Variants in DNAAF9 observed in about 807,000 individuals in gnomAD.
The protein encoded by DNAAF9 is dynein axonemal assembly factor 9.
A neutral mutation model predicts 167.0 loss-of-function variants in DNAAF9; 90 were observed. That is an observed-to-expected ratio of 0.54 (90% confidence interval 0.45 to 0.64). DNAAF9 has a LOEUF of 0.64. DNAAF9 is among the 30% of genes least tolerant of loss of function. DNAAF9 has a pLI of 0.00. For missense variants in DNAAF9, 1,315 were observed against 1,442.2 expected, an observed-to-expected ratio of 0.91 and a Z score of 1.43; for synonymous variants, 491 against 508.8, an observed-to-expected ratio of 0.96 and a Z score of 0.47.
At chr20:3,391,880 TC>T (rs1372924499) in intron 1 of DNAAF9, among the ~76,000 whole-genome samples, 3 of 152,168 alleles carry the variant, frequency 2.0e-5, no homozygotes, top group Non-Finnish European at 4.4e-5. Context: ...CGCCTGGCTG[TC>T]TTTTTTCCTT....
In DNAAF9 at chr20:3,249,390, G is replaced by A. The variant is rs1413880466; in HGVS notation, c.*3182C>T. ...CATACACAACTGCAGGTAAAAACAT[G>A]TAAAATAATATAAAAATAAATTGAA... is the stretch of plus-strand genomic sequence containing the variant. On this transcript the variant is annotated 3_prime_UTR_variant, in exon 37 of 37. Coordinates refer to ENST00000252032, the MANE Select transcript of DNAAF9 (RefSeq NM_001009984.3). 1 of 152,146 alleles carries A rather than the reference G, an allele frequency of 6.6e-6. No individual in the cohort carries two copies. The highest frequency in any genetic ancestry group is 1.5e-5 in the Non-Finnish European group (1 of 68,034). 9.4% of individuals were successfully genotyped at this position (152,146 alleles called of 1,614,324 possible). A position where few individuals can be genotyped will look rare whatever the true frequency, so the allele number is the denominator to read the frequency against.
chr20:3,254,408 C>T (rs1336047077), intron 35 of DNAAF9, among the ~76,000 whole-genome samples: 1 of 152,102 alleles, frequency 6.6e-6, no homozygotes, highest in Admixed American at 6.6e-5. Context: ...GCTGTTTCCC[C>T]CTCTCCTCTT....
At chr20:3,327,379 G>A (rs985448364) in intron 12 of DNAAF9, among the ~76,000 whole-genome samples, 2 of 152,066 alleles carry the variant, frequency 1.3e-5, no homozygotes, top group Non-Finnish European at 2.9e-5. Flanking sequence ...GGGAAAGATG[G>A]GGGAGGGAGG....
At chr20:3,257,092 G>C (rs1034032840) in intron 33 of DNAAF9, among the ~76,000 whole-genome samples, 1 of 152,198 alleles carries the variant, frequency 6.6e-6, no homozygotes, top group African/African-American at 2.4e-5. Context: ...ACATGCTAAG[G>C]AGATGAGGGC....
At position 3,255,425 on chromosome 20, in the gene DNAAF9, TG is replaced by T. The variant is rs909010821; in HGVS notation, c.3262-142del. On this transcript the variant is annotated intron_variant, in intron 34 of 36. Transcript: ENST00000252032. ...GCGCTATGGCCTGGATATAATATTC[TG>T]TCTAGTCTGCTCTTTGAGAAAACCA... 23 of 604,426 alleles carry T rather than the reference TG, an allele frequency of 3.8e-5. 1 individual carries two copies. The African/African-American group carries it at 3.9e-4, about 10-fold the overall frequency. The allele number at this position is 604,426 out of a possible 1,614,324, so 37.4% of individuals were successfully genotyped here.
chr20:3,338,529 T>C (rs1255123198), intron 10 of DNAAF9, among the ~76,000 whole-genome samples: 1 of 152,212 alleles, frequency 6.6e-6, no homozygotes, highest in Non-Finnish European at 1.5e-5. Context: ...TCATGAATTT[T>C]GGAAAATTCT....
chr20:3,354,893 T>C (rs1884563), intron 7 of DNAAF9, among the ~76,000 whole-genome samples: 38,147 of 152,140 alleles, frequency 0.25, 5,392 homozygotes, highest in African/African-American at 0.37. Flanking sequence ...AAAGAGCATG[T>C]TCTACAGCCC....
In DNAAF9 at chr20:3,259,488, T is replaced by C. The variant is rs868501006; in HGVS notation, c.3047A>G (p.Lys1016Arg). The change falls in exon 33 of 37, where the codon AAG becomes AGG. Residue 1016 changes from lysine to arginine, a missense_variant. By Grantham distance (26) the Lys-to-Arg change is conservative. Transcript: ENST00000252032. ...GNIYHILGKV[K>R]FSDSERTMEV... ...TCCCAGCCCCTGGTTACCTGAAAAC[T>C]TCACTTTGCCCAGGATGTGGTAGAT... is the stretch of plus-strand genomic sequence containing the variant. 4 of 1,606,832 alleles carry C rather than the reference T, an allele frequency of 2.5e-6. No homozygotes were observed. The highest frequency in any genetic ancestry group is 3.3e-5 in the Admixed American group (2 of 59,988).
At chr20:3,404,922 G>C (rs1245956698) in intron 1 of DNAAF9, among the ~76,000 whole-genome samples, 1 of 152,182 alleles carries the variant, frequency 6.6e-6, no homozygotes, top group African/African-American at 2.4e-5. Context: ...CAACCTACCT[G>C]TCAAGCATAG....
At chr20:3,374,813 T>C (rs2083553845) in intron 5 of DNAAF9, among the ~76,000 whole-genome samples, 1 of 152,226 alleles carries the variant, frequency 6.6e-6, no homozygotes, top group Admixed American at 6.5e-5. Flanking sequence ...TTCTTCTACC[T>C]GATTTTGGGC....
intron 10 of DNAAF9, among the ~76,000 whole-genome samples, chr20:3,337,442 T>TG (rs1555793647): frequency 6.7e-6 from 1 of 148,858 alleles, no homozygotes; most frequent in African/African-American, 2.5e-5. Flanking sequence ...TTTTTTTTGT[T>TG]TTTTTTTTTT....
In DNAAF9 at chr20:3,322,792, G is replaced by A. The variant is rs1238648040; in HGVS notation, c.1266-96C>T. 3.5e-6 allele frequency: 3 copies of A among 854,722 alleles called. No homozygotes were observed. The African/African-American group carries it at 5.0e-5, about 14-fold the overall frequency. The allele number at this position is 854,722 out of a possible 1,614,324, so 52.9% of individuals were successfully genotyped here. A position where few individuals can be genotyped will look rare whatever the true frequency, so the allele number is the denominator to read the frequency against. On this transcript the variant is annotated intron_variant, in intron 14 of 36. Coordinates refer to ENST00000252032, the MANE Select transcript of DNAAF9 (RefSeq NM_001009984.3). ...TGCTTGGGATTCTCAAGGCCACACAGTGAGGTGTGTGTCATCCTTGCTTTA... is the reference window on the plus strand; with the variant it reads ...TGCTTGGGATTCTCAAGGCCACACAATGAGGTGTGTGTCATCCTTGCTTTA...
At position 3,324,983 on chromosome 20, in the gene DNAAF9, GAC is replaced by G; in HGVS notation, c.1189-17_1189-16del. The G allele has an allele frequency of 6.7e-7, 1 of 1,486,624 alleles. No homozygotes were observed. The allele number at this position is 1,486,624 out of a possible 1,614,324, so 92.1% of individuals were successfully genotyped here. On this transcript the variant is annotated splice_polypyrimidine_tract_variant and intron_variant, in intron 13 of 36. Coordinates refer to ENST00000252032, the MANE Select transcript of DNAAF9 (RefSeq NM_001009984.3). ...ACCTCCTTGGCCTGTAAAATAATAA[GAC>G]AGCGACAATTAGCTTTCACAGCAGG...
rs73608143 is a variant in DNAAF9, at chr20:3,386,084, C to T, written c.84-3578G>A. Among the ~76,000 whole-genome samples, 1,125 of 152,142 alleles carry T rather than the reference C, an allele frequency of 7.4e-3. 70 individuals are homozygous for T. The East Asian group carries it at 0.16, about 21-fold the overall frequency. Reference sequence around the variant, plus strand: ...GGAGGATCACTTGAGTTCAGGAGTTCGAGGCCAGCCTGGGCAATATAGTGA... The same window carrying T: ...GGAGGATCACTTGAGTTCAGGAGTTTGAGGCCAGCCTGGGCAATATAGTGA... On this transcript the variant is annotated intron_variant, in intron 1 of 36. Coordinates refer to ENST00000252032, the MANE Select transcript of DNAAF9 (RefSeq NM_001009984.3).
At chr20:3,319,262 CAAAAAAAAAA>C (rs57727958) in intron 16 of DNAAF9, among the ~76,000 whole-genome samples, 17 of 41,564 alleles carry the variant, frequency 4.1e-4, no homozygotes, top group Non-Finnish European at 6.8e-4. Flanking sequence ...GACCCCGTCT[CAAAAAAAAAA>C]AAAAAAAAAA....
At position 3,287,654 on chromosome 20, in the gene DNAAF9, T is replaced by C; in HGVS notation, c.2464A>G (p.Arg822Gly). The C allele has an allele frequency of 6.2e-7, 1 of 1,614,248 alleles. No homozygotes were observed. The highest frequency in any genetic ancestry group is 2.2e-5 in the East Asian group (1 of 44,886). The change falls in exon 27 of 37, where the codon AGA becomes GGA. Residue 822 changes from arginine to glycine, a missense_variant. This residue lies in a region of DNAAF9 where 981 missense variants were observed against 1,012.5 expected (regional missense o/e 0.97). Transcript: ENST00000252032. ...CACCCTTGTAACACCACCAGCAGTC[T>C]GGTCTTCTTGCGGATGTAGGCTGAC... The part of the protein sequence containing the change: ...RQSAYIRKKT[R>G]LLVVLQGYTD...
chr20:3,257,168 G>A (rs889306203), intron 33 of DNAAF9, among the ~76,000 whole-genome samples: 31 of 152,018 alleles, frequency 2.0e-4, no homozygotes, highest in Admixed American at 1.4e-3. Flanking sequence ...GAAAGGATCC[G>A]GAAAAAAGCG....
Position 3,290,171 on chromosome 20 carries a change from T to C in DNAAF9, c.2285A>G (p.Glu762Gly). The change falls in exon 26 of 37, where the codon GAG becomes GGG. Residue 762 changes from glutamate (E) to glycine (G), a missense_variant. Physicochemically the swap from Glu to Gly is moderately conservative, Grantham distance 98. Coordinates refer to ENST00000252032, the MANE Select transcript of DNAAF9 (RefSeq NM_001009984.3). The part of the protein sequence containing the change: ...VTGLPGCHAS[E>G]LCAFLVTLHK... ...CAGAGTGACCAGAAAAGCACAGAGC[T>C]CGCTAGCGTGACAGCCTGGGAGGCC... 1 of 1,613,368 alleles carries C rather than the reference T, an allele frequency of 6.2e-7. No homozygotes were observed. The highest frequency in any genetic ancestry group is 1.1e-5 in the South Asian group (1 of 91,066).
intron 6 of DNAAF9, among the ~76,000 whole-genome samples, chr20:3,362,738 G>A (rs901187540): frequency 5.3e-5 from 8 of 152,080 alleles, no homozygotes; most frequent in Non-Finnish European, 1.2e-4. Context: ...AATTCACCCC[G>A]ACTGAGAACC....
Sources: allele counts gnomAD v4.1 joint callset (sites outside exome capture counted in the v4.1 genomes callset), GRCh38; gene constraint gnomAD v4.1.1; regional missense constraint gnomAD v4.1.1; transcripts MANE v1.5; gene names NCBI Gene and HGNC (gene_info 2026-07-23, HGNC 2026-07-21).